Variants in POU2F3 observed in about 807,000 individuals in gnomAD.
The protein encoded by POU2F3 is POU domain, class 2, transcription factor 3.
In POU2F3, 23 loss-of-function variants were observed where a neutral mutation model predicts 59.2. The ratio of observed to expected loss-of-function variants is 0.39; its 90% CI spans 0.28 to 0.55. The LOEUF (loss-of-function observed/expected upper bound fraction) is 0.55, where lower values mean the gene tolerates loss of function less well. Among genes scored for constraint, POU2F3 ranks in the 20% least tolerant of loss-of-function variants. POU2F3 has a pLI of 0.66. For synonymous variants in POU2F3, 190 were observed against 214.6 expected (o/e 0.89, Z 1.00); for missense variants, 473 against 544.5 (o/e 0.87, Z 1.31).
intron 6 of POU2F3, 54 bp from the exon 7 acceptor site, chr11:120,304,976 A>AAC: frequency 8.8e-7 from 1 of 1,141,174 alleles, no homozygotes; most frequent in Non-Finnish European, 1.2e-6. Context: ...AAAAAATCAG[A>AAC]AAATGTTATT....
In POU2F3 at chr11:120,270,555, C is replaced by A. The variant is rs149279036; in HGVS notation, c.132+1311C>A. Among the ~76,000 whole-genome samples the A allele has an allele frequency of 3.6e-3, 544 of 152,204 alleles. 3 individuals carry two copies. Among genetic ancestry groups the A allele is most frequent in the African/African-American group, 0.013 (524 of 41,528 alleles). On this transcript the variant is annotated intron_variant, in intron 3 of 12. Transcript: ENST00000543440. ...AGATGGCAAGAAGGAAGGAAAAGGG[C>A]TGCATTGGGTAATCACTAGGATTCC... is the stretch of plus-strand genomic sequence containing the variant.
chr11:120,317,381 G>C lies in POU2F3; in HGVS notation c.1271+17G>C. On this transcript the variant is annotated intron_variant, in intron 12 of 12. Coordinates refer to ENST00000543440, the MANE Select transcript of POU2F3 (RefSeq NM_014352.4). Reference sequence around the variant, plus strand: ...CTCTTCAGGGTAAGGTGAAGGGGACGGTGCAGAGACATCCCAGCAGGGCCA... The same window carrying C: ...CTCTTCAGGGTAAGGTGAAGGGGACCGTGCAGAGACATCCCAGCAGGGCCA... 2.5e-6 allele frequency: 4 copies of C among 1,613,858 alleles called. No individual in the cohort carries two copies. Among genetic ancestry groups the C allele is most frequent in the Non-Finnish European group, 3.4e-6 (4 of 1,179,890 alleles).
At chr11:120,246,550 G>T (rs1938883962) in intron 2 of POU2F3, 33 bp downstream of exon 2, 1 of 1,603,566 alleles carries the variant, frequency 6.2e-7, no homozygotes, top group Non-Finnish European at 8.5e-7. Flanking sequence ...GATGGAGGGG[G>T]TGGGGGGAAG....
intron 3 of POU2F3, among the ~76,000 whole-genome samples, chr11:120,289,486 C>A (rs1442258315): frequency 2.0e-5 from 3 of 152,192 alleles, no homozygotes; most frequent in Non-Finnish European, 4.4e-5. Context: ...TACTTTAGTT[C>A]CACCATGCCC....
intron 9 of POU2F3, 65 bp from the exon 10 acceptor site, chr11:120,309,360 G>C: frequency 6.8e-7 from 1 of 1,474,980 alleles, no homozygotes; most frequent in Non-Finnish European, 9.4e-7. Flanking sequence ...TGTTTCTTTG[G>C]GACCTCTGTT....
intron 1 of POU2F3, among the ~76,000 whole-genome samples, chr11:120,241,870 A>G (rs1181133254): frequency 6.6e-6 from 1 of 152,018 alleles, no homozygotes; most frequent in Non-Finnish European, 1.5e-5. Context: ...TATAGCAGAG[A>G]GCAGAGAACA....
chr11:120,293,509 G>GGGGAGAAA (rs1470114822), intron 3 of POU2F3, among the ~76,000 whole-genome samples: 1 of 152,110 alleles, frequency 6.6e-6, no homozygotes, highest in Admixed American at 6.5e-5. Context: ...GTGTAGAAAG[G>GGGGAGAAA]GGGAGAAAGA....
upstream of POU2F3, among the ~76,000 whole-genome samples, chr11:120,236,927 C>T (rs1411932272): frequency 2.6e-5 from 4 of 152,186 alleles, no homozygotes; most frequent in Admixed American, 1.3e-4. Flanking sequence ...GTTCTGTTTT[C>T]TGGGGTAAGT....
At chr11:120,272,006 GT>G (rs1197247924) in intron 3 of POU2F3, among the ~76,000 whole-genome samples, 1 of 152,172 alleles carries the variant, frequency 6.6e-6, no homozygotes, top group Non-Finnish European at 1.5e-5. Flanking sequence ...CTGCAGGTCA[GT>G]GGGTGGGCAC....
At chr11:120,274,100 G>GAAGA (rs1491361161) in intron 3 of POU2F3, among the ~76,000 whole-genome samples, 27 of 73,804 alleles carry the variant, frequency 3.7e-4, no homozygotes, top group East Asian at 9.5e-4. Context: ...AGGAAGGAAG[G>GAAGA]AAGGAAGAAA....
rs542898878 is a variant in POU2F3, at chr11:120,301,239, G to A, written c.362-1047G>A. On this transcript the variant is annotated intron_variant, in intron 5 of 12. Coordinates refer to ENST00000543440, the MANE Select transcript of POU2F3 (RefSeq NM_014352.4). ...TTCCATTTCCTCTTCTGAAAAAATG[G>A]GATAATAGCAAGGCTCTGCCTCATG... The A allele has an allele frequency of 1.1e-5, 4 of 369,010 alleles. No homozygotes were observed. In the East Asian group the frequency reaches 3.0e-4, roughly 28 times the overall value. 22.9% of individuals were successfully genotyped at this position (369,010 alleles called of 1,614,324 possible).
At position 120,302,302 on chromosome 11, in the gene POU2F3, C is replaced by G; in HGVS notation, c.378C>G (p.Leu126=). ...TTCACCCAGGTCTGCAGCCAAATCT[C>G]CTCCCCTTTCCACAGCAACAAAGCG... ...QPGQQGLQPN[L]LPFPQQQSGL... The change falls in exon 6 of 13, where the codon CTC becomes CTG. Residue 126 remains leucine, a synonymous_variant. Coordinates refer to ENST00000543440, the MANE Select transcript of POU2F3 (RefSeq NM_014352.4). 6.2e-7 allele frequency: 1 copy of G among 1,612,068 alleles called. No homozygotes were observed. Among genetic ancestry groups the G allele is most frequent in the Non-Finnish European group, 8.5e-7 (1 of 1,178,222 alleles).
chr11:120,305,923 C>T (rs1780948682), intron 8 of POU2F3, 138 bp downstream of exon 8: 5 of 1,097,322 alleles, frequency 4.6e-6, no homozygotes, highest in Non-Finnish European at 6.4e-6. Context: ...GATGGAGAAA[C>T]AAGACACAGG....
At chr11:120,246,207 C>G (rs914739073) in intron 1 of POU2F3, among the ~76,000 whole-genome samples, 3 of 151,910 alleles carry the variant, frequency 2.0e-5, no homozygotes, top group Non-Finnish European at 2.9e-5. Context: ...GGTGAGAGAC[C>G]CTGCAGTGGC....
In POU2F3 at chr11:120,292,743, C is replaced by T. The variant is rs1344667902; in HGVS notation, c.133-5522C>T. Reference sequence around the variant, plus strand: ...ATGCTGCAGGTGTCTCAGGAGGGCTCCGCAGCAGTGCTTTGGTTAAAATGA... The same window carrying T: ...ATGCTGCAGGTGTCTCAGGAGGGCTTCGCAGCAGTGCTTTGGTTAAAATGA... On this transcript the variant is annotated intron_variant, in intron 3 of 12. Transcript: ENST00000543440. 2.6e-5 allele frequency among the ~76,000 whole-genome samples: 4 copies of T among 152,352 alleles called. No individual in the cohort carries two copies. The South Asian group carries it at 6.2e-4, about 24-fold the overall frequency.
chr11:120,263,502 C>A (rs1939692718), intron 2 of POU2F3, among the ~76,000 whole-genome samples: 1 of 152,246 alleles, frequency 6.6e-6, no homozygotes, highest in Non-Finnish European at 1.5e-5. Flanking sequence ...TGCTTCGAAT[C>A]ACTTCCAGAT....
intron 10 of POU2F3, among the ~76,000 whole-genome samples, chr11:120,309,961 C>T (rs1437714475): frequency 6.6e-6 from 1 of 152,048 alleles, no homozygotes; most frequent in Non-Finnish European, 1.5e-5. Context: ...GAAAGGGGAC[C>T]AGAAGTAGGA....
Position 120,305,111 on chromosome 11 carries a change from C to G in POU2F3, c.526C>G (p.Leu176Val). 1 of 1,614,046 alleles carries G rather than the reference C, an allele frequency of 6.2e-7. No individual in the cohort carries two copies. The highest frequency in any genetic ancestry group is 8.5e-7 in the Non-Finnish European group (1 of 1,180,034). ...ASQHLPVPKH[L>V]PSSGGADEPS... ...CCAGCATCTCCCAGTGCCCAAGCATCTACCCAGCTCTGGAGGGGCCGATGA... is the reference window on the plus strand; with the variant it reads ...CCAGCATCTCCCAGTGCCCAAGCATGTACCCAGCTCTGGAGGGGCCGATGA... Residue 176 changes from leucine to valine, a missense_variant, in exon 7 of 13, where the codon CTA becomes GTA. Physicochemically the swap from Leu to Val is conservative, Grantham distance 32. Coordinates refer to ENST00000543440, the MANE Select transcript of POU2F3 (RefSeq NM_014352.4).
intron 8 of POU2F3, 131 bp from the exon 9 acceptor site, chr11:120,307,348 G>A: frequency 9.6e-7 from 1 of 1,045,038 alleles, no homozygotes; most frequent in Non-Finnish European, 1.4e-6. Context: ...GCTCCCTGCT[G>A]GGGGAGGGGA....
Sources: gnomAD v4.1 joint callset for allele counts (sites outside exome capture counted in the v4.1 genomes callset) on GRCh38, gnomAD v4.1.1 for gene constraint, MANE v1.5 for transcripts, NCBI Gene and HGNC (gene_info 2026-07-23, HGNC 2026-07-21) for gene names.